Variants in PRTG observed in about 807,000 individuals in gnomAD.
PRTG encodes the protein protogenin.
PRTG carries 67 observed loss-of-function variants against 122.5 expected under a neutral mutation model. That is an observed-to-expected ratio of 0.55 (90% CI 0.45 to 0.67). The LOEUF (loss-of-function observed/expected upper bound fraction) is 0.67. PRTG is among the 30% of genes least tolerant of loss of function. The pLI, the probability that PRTG is intolerant of heterozygous loss-of-function variation, is 0.00. For missense variants in PRTG, 1,435 were observed against 1,415.4 expected (o/e 1.01, Z -0.22); for synonymous variants, 554 against 501.1 (o/e 1.11, Z -1.41).
At chr15:55,675,426 A>G (rs941103638) in intron 9 of PRTG, 93 bp downstream of exon 9, 3 of 926,956 alleles carry the variant, frequency 3.2e-6, no homozygotes, top group South Asian at 2.7e-5. Flanking sequence ...TTAACCAAAA[A>G]GAGGATATTT....
chr15:55,688,586 A>G (rs971580730), intron 2 of PRTG, among the ~76,000 whole-genome samples: 1 of 152,230 alleles, frequency 6.6e-6, no homozygotes, highest in Non-Finnish European at 1.5e-5. Context: ...CTGTAATCCC[A>G]GCACTTTGGG....
chr15:55,668,037 G>A (rs901339905), intron 11 of PRTG, among the ~76,000 whole-genome samples: 4 of 152,194 alleles, frequency 2.6e-5, no homozygotes, highest in African/African-American at 9.7e-5. Flanking sequence ...GCAGTGAGCC[G>A]AGATGGCACC....
At chr15:55,728,002 C>T (rs2031096481) in intron 2 of PRTG, among the ~76,000 whole-genome samples, 1 of 152,040 alleles carries the variant, frequency 6.6e-6, no homozygotes, top group Admixed American at 6.6e-5. Context: ...GTAGCTGGGA[C>T]TATAGGTGTG....
At chr15:55,623,219 T>A (rs1453314497) in intron 18 of PRTG, among the ~76,000 whole-genome samples, 2 of 152,186 alleles carry the variant, frequency 1.3e-5, no homozygotes, top group African/African-American at 4.8e-5. Flanking sequence ...AGGCCACATA[T>A]GGCCTGTGTC....
At chr15:55,626,184 G>A (rs1427460479) in intron 17 of PRTG, among the ~76,000 whole-genome samples, 1 of 152,170 alleles carries the variant, frequency 6.6e-6, no homozygotes, top group Non-Finnish European at 1.5e-5. Context: ...GGGAGGCCAA[G>A]GTGGGCAGAC....
At chr15:55,656,553 G>A (rs1390447954) in intron 11 of PRTG, among the ~76,000 whole-genome samples, 2 of 152,150 alleles carry the variant, frequency 1.3e-5, no homozygotes, top group African/African-American at 4.8e-5. Context: ...TGTTGCCCAG[G>A]CTGGAGTGCA....
chr15:55,679,918 T>C, intron 6 of PRTG, 136 bp downstream of exon 6: 3 of 689,922 alleles, frequency 4.3e-6, no homozygotes, highest in East Asian at 2.8e-5. Flanking sequence ...ATTTGTTTTT[T>C]CCTGAAATTC....
intron 2 of PRTG, among the ~76,000 whole-genome samples, chr15:55,687,883 C>G (rs1595652183): frequency 1.3e-5 from 2 of 152,280 alleles, no homozygotes; most frequent in South Asian, 2.1e-4. Context: ...AAGAGGCAAC[C>G]ATGAATCAAC....
chr15:55,733,772 C>T (rs1470136196), intron 2 of PRTG, among the ~76,000 whole-genome samples: 2 of 151,736 alleles, frequency 1.3e-5, no homozygotes, highest in South Asian at 2.1e-4. Flanking sequence ...GGCTGCAGGA[C>T]GCCGTGACTG....
At chr15:55,637,656 A>C (rs2059265383) in intron 14 of PRTG, among the ~76,000 whole-genome samples, 1 of 152,106 alleles carries the variant, frequency 6.6e-6, no homozygotes, top group South Asian at 2.1e-4. Flanking sequence ...CCTGTCCATC[A>C]GATATTGGGT....
chr15:55,624,472 G>T lies in PRTG; in HGVS notation c.2963C>A (p.Thr988Asn). 1 of 1,613,720 alleles carries T rather than the reference G, an allele frequency of 6.2e-7. No individual in the cohort carries two copies. Residue 988 changes from threonine (T) to asparagine (N), a missense_variant, in exon 18 of 20, where the codon ACT becomes AAT. Coordinates refer to ENST00000389286, the MANE Select transcript of PRTG (RefSeq NM_173814.6). ...SSASKTAQNG[T>N]QQLPRTSASL... Reference sequence around the variant, plus strand: ...GGCACTGGTACGAGGTAACTGTTGAGTTCCATTCTGTGCCGTCTTGGAAGC... The same window carrying T: ...GGCACTGGTACGAGGTAACTGTTGATTTCCATTCTGTGCCGTCTTGGAAGC...
intron 11 of PRTG, among the ~76,000 whole-genome samples, chr15:55,672,105 T>C (rs2059475180): frequency 6.6e-6 from 1 of 152,182 alleles, no homozygotes; most frequent in South Asian, 2.1e-4. Flanking sequence ...GATTTGGTGA[T>C]ATCCCTATTC....
chr15:55,721,358 TAA>T (rs2141868948), intron 2 of PRTG, among the ~76,000 whole-genome samples: 1 of 152,282 alleles, frequency 6.6e-6, no homozygotes, highest in Admixed American at 6.5e-5. Context: ...CCCTTGCAGT[TAA>T]TCACTTGCAA....
intron 2 of PRTG, among the ~76,000 whole-genome samples, chr15:55,729,143 G>A (rs2031142860): frequency 6.6e-6 from 1 of 152,156 alleles, no homozygotes; most frequent in South Asian, 2.1e-4. Flanking sequence ...AGATGAACGG[G>A]TAAACAAAAC....
chr15:55,641,263 G>A (rs2059288919), intron 11 of PRTG, 55 bp from the exon 12 acceptor site: 4 of 1,285,648 alleles, frequency 3.1e-6, no homozygotes, highest in Non-Finnish European at 4.5e-6. Context: ...TCTGAGCAAA[G>A]GTTCTGAATG....
chr15:55,648,613 G>A (rs1463087702), intron 11 of PRTG, among the ~76,000 whole-genome samples: 1 of 152,152 alleles, frequency 6.6e-6, no homozygotes, highest in African/African-American at 2.4e-5. Flanking sequence ...CTGAGGTTGG[G>A]AGATATTCAG....
At chr15:55,626,541 G>C (rs2059195923) in intron 17 of PRTG, among the ~76,000 whole-genome samples, 1 of 151,350 alleles carries the variant, frequency 6.6e-6, no homozygotes, top group African/African-American at 2.4e-5. Context: ...ACGAGGTCAG[G>C]AGATCAAGAC....
intron 2 of PRTG, among the ~76,000 whole-genome samples, chr15:55,736,119 TGAG>T (rs1278971856): frequency 6.6e-6 from 1 of 152,196 alleles, no homozygotes; most frequent in African/African-American, 2.4e-5. Context: ...TCTGTTGGTT[TGAG>T]TTTTCCAAAA....
chr15:55,689,415 T>G (rs1401971939), intron 2 of PRTG, among the ~76,000 whole-genome samples: 1 of 152,164 alleles, frequency 6.6e-6, no homozygotes, highest in Non-Finnish European at 1.5e-5. Context: ...AAATACATAT[T>G]TTAACTCTTT....
Sources: gnomAD v4.1 joint callset for allele counts (sites outside exome capture counted in the v4.1 genomes callset) on GRCh38, gnomAD v4.1.1 for gene constraint, MANE v1.5 for transcripts, NCBI Gene and HGNC (gene_info 2026-07-23, HGNC 2026-07-21) for gene names.